Variants in ARL15 observed in about 807,000 individuals in gnomAD.
The protein encoded by ARL15 is ARF like GTPase 15, also known as ADP-ribosylation factor-like protein 15.
Under a neutral mutation model 25.2 loss-of-function variants are expected in ARL15, and 19 were observed. That is an observed-to-expected ratio of 0.75 (90% CI 0.53 to 1.10). The LOEUF is 1.10. Among genes scored for constraint, ARL15 ranks in the 50% least tolerant of loss-of-function variants. ARL15 has a pLI of 0.00. For missense variants in ARL15, 220 were observed against 246.0 expected (o/e 0.89, Z 0.71); for synonymous variants, 94 against 86.8 (o/e 1.08, Z -0.46).
intron 1 of ARL15, among the ~76,000 whole-genome samples, chr5:54,199,992 T>A (rs1197685361): frequency 6.6e-6 from 1 of 151,080 alleles, no homozygotes; most frequent in Non-Finnish European, 1.5e-5. Flanking sequence ...ATGTCCTTTG[T>A]AGGAACGTGG....
intron 1 of ARL15, among the ~76,000 whole-genome samples, chr5:54,183,801 G>A (rs1295571148): frequency 3.3e-5 from 5 of 151,420 alleles, no homozygotes; most frequent in African/African-American, 4.9e-5. Context: ...ACATGCACAC[G>A]TATGTTTATT....
intron 4 of ARL15, among the ~76,000 whole-genome samples, chr5:53,942,741 AT>A (rs1452879909): frequency 6.6e-6 from 1 of 152,096 alleles, no homozygotes; most frequent in Non-Finnish European, 1.5e-5. Context: ...GCGAGACTCC[AT>A]CTCAAACAAA....
At chr5:53,907,476 A>ATTTTTTTTTTTTT (rs1745288005) in intron 4 of ARL15, among the ~76,000 whole-genome samples, 1 of 25,130 alleles carries the variant, frequency 4.0e-5, no homozygotes, top group African/African-American at 2.0e-4. Flanking sequence ...ATATATATAT[A>ATTTTTTTTTTTTT]TATATATATA....
chr5:54,212,853 A>T (rs368403262), intron 1 of ARL15, among the ~76,000 whole-genome samples: 1 of 152,202 alleles, frequency 6.6e-6, no homozygotes, highest in African/African-American at 2.4e-5. Flanking sequence ...ATGCAGAGTG[A>T]GAAATCTGAA....
chr5:54,211,191 A>C (rs1756032473), intron 1 of ARL15, among the ~76,000 whole-genome samples: 1 of 152,160 alleles, frequency 6.6e-6, no homozygotes, highest in African/African-American at 2.4e-5. Flanking sequence ...GTATTCCAAA[A>C]TGTCACAGAG....
intron 4 of ARL15, among the ~76,000 whole-genome samples, chr5:54,104,448 G>C (rs997781353): frequency 6.6e-6 from 1 of 151,960 alleles, no homozygotes; most frequent in Non-Finnish European, 1.5e-5. Flanking sequence ...GCCAATATTT[G>C]CAGTACCTTG....
At chr5:53,933,642 CA>C (rs34912827) in intron 4 of ARL15, among the ~76,000 whole-genome samples, 5,747 of 75,364 alleles carry the variant, frequency 0.076, 82 homozygotes, top group African/African-American at 0.14. Context: ...GAGACTGTCT[CA>C]AAAAAAAAAA....
At chr5:53,974,550 T>A (rs941431866) in intron 4 of ARL15, among the ~76,000 whole-genome samples, 1 of 152,190 alleles carries the variant, frequency 6.6e-6, no homozygotes, top group Admixed American at 6.5e-5. Flanking sequence ...TTGGAAATAA[T>A]GGCAGAATTC....
intron 4 of ARL15, among the ~76,000 whole-genome samples, chr5:53,985,078 A>G (rs939285245): frequency 6.6e-6 from 1 of 152,206 alleles, no homozygotes; most frequent in African/African-American, 2.4e-5. Context: ...CTACATAGCC[A>G]GATTCTAGCC....
intron 2 of ARL15, among the ~76,000 whole-genome samples, chr5:54,158,965 C>T (rs1279576969): frequency 6.6e-6 from 1 of 152,202 alleles, no homozygotes; most frequent in Non-Finnish European, 1.5e-5. Context: ...CATATACCAA[C>T]AAACTGAGGG....
At chr5:54,258,407 T>C (rs1757421078) in intron 1 of ARL15, among the ~76,000 whole-genome samples, 1 of 152,168 alleles carries the variant, frequency 6.6e-6, no homozygotes, top group Admixed American at 6.5e-5. Flanking sequence ...TCACGAGCTA[T>C]GTCTGTCTAG....
At chr5:54,091,882 G>A (rs563173348) in intron 4 of ARL15, among the ~76,000 whole-genome samples, 26 of 152,258 alleles carry the variant, frequency 1.7e-4, no homozygotes, top group African/African-American at 5.5e-4. Context: ...CATAGAGGGC[G>A]GAGAGTGGCA....
At chr5:54,282,452 G>A (rs1758082320) in intron 1 of ARL15, 1 of 985,356 alleles carries the variant, frequency 1.0e-6, no homozygotes, top group African/African-American at 1.7e-5. Flanking sequence ...GTTTTATGAG[G>A]AAGTGGCTGA....
chr5:54,067,692 T>C (rs7727248), intron 4 of ARL15, among the ~76,000 whole-genome samples: 41,589 of 152,136 alleles, frequency 0.27, 7,360 homozygotes, highest in African/African-American at 0.51. Flanking sequence ...CCTCTCAGCA[T>C]GAACCATCGT....
intron 4 of ARL15, among the ~76,000 whole-genome samples, chr5:53,895,352 T>C (rs1258390239): frequency 6.6e-6 from 1 of 152,236 alleles, no homozygotes; most frequent in Non-Finnish European, 1.5e-5. Context: ...AGTAGGGTCA[T>C]CTCTCATTAA....
At chr5:54,004,599 A>G (rs1580161536) in intron 4 of ARL15, among the ~76,000 whole-genome samples, 1 of 152,156 alleles carries the variant, frequency 6.6e-6, no homozygotes, top group South Asian at 2.1e-4. Context: ...GCAGATCTCA[A>G]GTCCACACTG....
intron 4 of ARL15, among the ~76,000 whole-genome samples, chr5:53,906,569 T>C (rs1035130788): frequency 1.3e-5 from 2 of 152,192 alleles, no homozygotes; most frequent in Non-Finnish European, 2.9e-5. Flanking sequence ...TCACAAAGTA[T>C]GTTATTAAGC....
At chr5:54,010,694 C>A (rs959874723) in intron 4 of ARL15, among the ~76,000 whole-genome samples, 1 of 152,098 alleles carries the variant, frequency 6.6e-6, no homozygotes, top group Non-Finnish European at 1.5e-5. Flanking sequence ...ATGACTCCAT[C>A]AAATCAGTAA....
At chr5:54,092,073 C>CACACACACACACACACACACACACACACA (rs143647206) in intron 4 of ARL15, among the ~76,000 whole-genome samples, 2 of 149,712 alleles carry the variant, frequency 1.3e-5, no homozygotes, top group Non-Finnish European at 3.0e-5. Context: ...CACACACACA[C>CACACACACACACACACACACACACACACA]CACCACCACC....
Sources: allele counts gnomAD v4.1 joint callset (sites outside exome capture counted in the v4.1 genomes callset), GRCh38; gene constraint gnomAD v4.1.1; transcripts MANE v1.5; gene names NCBI Gene and HGNC (gene_info 2026-07-23, HGNC 2026-07-21).